Variants in TMEM108 observed in about 807,000 individuals in gnomAD.
The protein encoded by TMEM108 is cancer/testis antigen 124.
A neutral mutation model predicts 35.1 loss-of-function variants in TMEM108; 12 were observed. That is an observed-to-expected ratio of 0.34 (90% CI 0.22 to 0.55). TMEM108 has a LOEUF of 0.55. TMEM108 is among the 20% of genes least tolerant of loss of function. The pLI is 0.89. For missense variants in TMEM108, 680 were observed against 753.3 expected (o/e 0.90, Z 1.14); for synonymous variants, 287 against 308.6 (o/e 0.93, Z 0.73).
chr3:133,074,455 C>G (rs1943716196), intron 2 of TMEM108: 1 of 152,082 alleles, frequency 6.6e-6, no homozygotes, highest in Non-Finnish European at 1.5e-5. Flanking sequence ...TTACAGTAGC[C>G]TACGGTTGGG....
intron 3 of TMEM108, among the ~76,000 whole-genome samples, chr3:133,322,493 C>G (rs111470304): frequency 6.6e-6 from 1 of 151,938 alleles, no homozygotes; most frequent in Non-Finnish European, 1.5e-5. Flanking sequence ...AAAGTCTGAA[C>G]GGACCAATAA....
chr3:133,380,158 C>T lies in TMEM108; in HGVS notation c.447C>T (p.Ala149=), dbSNP rs772395937. ...TCCTGCTGACAAAGCCACCGGGGGCCACCAGCCGCCCCACCACAGCGCCCC... is the reference window on the plus strand; with the variant it reads ...TCCTGCTGACAAAGCCACCGGGGGCTACCAGCCGCCCCACCACAGCGCCCC... ...PTILLTKPPG[A]TSRPTTAPPR... is the part of the protein sequence containing the mutation. The change falls in exon 4 of 6, where the codon GCC becomes GCT. Residue 149 remains alanine (A), a synonymous_variant. Coordinates refer to ENST00000321871, the MANE Select transcript of TMEM108 (RefSeq NM_023943.4). The surrounding 1 kb of genome is among the most constrained non-coding windows in gnomAD (Gnocchi z 5.3). 4 of 1,612,990 alleles carry T rather than the reference C, an allele frequency of 2.5e-6. No homozygotes were observed. The Admixed American group carries it at 6.7e-5, about 27-fold the overall frequency.
chr3:133,062,874 C>T (rs1467310607), intron 2 of TMEM108, among the ~76,000 whole-genome samples: 1 of 152,118 alleles, frequency 6.6e-6, no homozygotes, highest in Non-Finnish European at 1.5e-5. Context: ...TTGAAGTGAA[C>T]GAGGCCATGT....
intron 3 of TMEM108, among the ~76,000 whole-genome samples, chr3:133,311,342 G>A (rs960688455): frequency 2.0e-5 from 3 of 152,108 alleles, no homozygotes; most frequent in Non-Finnish European, 4.4e-5. Context: ...TCACTTTCAG[G>A]TACACCAATC....
intron 3 of TMEM108, among the ~76,000 whole-genome samples, chr3:133,263,870 T>G (rs1946659527): frequency 6.6e-6 from 1 of 152,216 alleles, no homozygotes; most frequent in Non-Finnish European, 1.5e-5. Flanking sequence ...AACTTGAGCC[T>G]TTTTCAGAGC....
chr3:133,328,751 C>T (rs2071360364), intron 3 of TMEM108, among the ~76,000 whole-genome samples: 1 of 152,146 alleles, frequency 6.6e-6, no homozygotes, highest in African/African-American at 2.4e-5. Context: ...ATGGTGGAAC[C>T]ACATGTTTAT....
At chr3:133,150,586 C>CT (rs369199476) in intron 2 of TMEM108, among the ~76,000 whole-genome samples, 329 of 152,028 alleles carry the variant, frequency 2.2e-3, no homozygotes, top group African/African-American at 7.6e-3. Flanking sequence ...TGTAGTTAAA[C>CT]TTTTTTTAAC....
intron 3 of TMEM108, among the ~76,000 whole-genome samples, chr3:133,355,823 T>C (rs972688413): frequency 1.3e-5 from 2 of 152,152 alleles, no homozygotes; most frequent in Middle Eastern, 3.2e-3. Flanking sequence ...TCAATAAGGA[T>C]AGAATAAAGA....
At chr3:133,234,133 G>T (rs1247463222) in intron 3 of TMEM108, among the ~76,000 whole-genome samples, 2 of 152,022 alleles carry the variant, frequency 1.3e-5, no homozygotes, top group Admixed American at 6.6e-5. Context: ...TGTCCTGAAT[G>T]GTAATGCCTA....
intron 4 of TMEM108, 27 bp downstream of exon 4, chr3:133,381,188 C>T: frequency 6.4e-7 from 1 of 1,564,096 alleles, no homozygotes; most frequent in Non-Finnish European, 8.7e-7. Flanking sequence ...CCCACCCATC[C>T]TCTCCCTCTA....
intron 2 of TMEM108, among the ~76,000 whole-genome samples, chr3:133,151,551 A>C (rs1027143016): frequency 2.6e-5 from 4 of 151,872 alleles, no homozygotes; most frequent in Admixed American, 1.3e-4. Flanking sequence ...AGTAAGAAGA[A>C]GACTCTTCTT....
At chr3:133,342,813 C>T (rs189890578) in intron 3 of TMEM108, among the ~76,000 whole-genome samples, 9 of 150,878 alleles carry the variant, frequency 6.0e-5, no homozygotes, top group African/African-American at 2.2e-4. Flanking sequence ...TACAAAATTA[C>T]ACTAGATAGG....
intron 1 of TMEM108, among the ~76,000 whole-genome samples, chr3:133,042,196 C>T (rs568498242): frequency 3.3e-5 from 5 of 152,242 alleles, no homozygotes; most frequent in East Asian, 1.9e-4. Flanking sequence ...ATGAGGGCCC[C>T]GGCTTTGACT....
At chr3:133,229,962 A>G (rs542596659) in intron 3 of TMEM108, among the ~76,000 whole-genome samples, 3 of 152,344 alleles carry the variant, frequency 2.0e-5, no homozygotes, top group Non-Finnish European at 2.9e-5. Context: ...CAAAGCACCA[A>G]TTGCCATGTA....
chr3:133,115,435 A>G (rs985726179), intron 2 of TMEM108, among the ~76,000 whole-genome samples: 3 of 152,228 alleles, frequency 2.0e-5, no homozygotes, highest in Non-Finnish European at 2.9e-5. Flanking sequence ...GGAAAATGCC[A>G]TCATTATTTA....
intron 2 of TMEM108, among the ~76,000 whole-genome samples, chr3:133,223,034 G>A (rs1946015537): frequency 1.3e-5 from 2 of 152,034 alleles, no homozygotes; most frequent in Non-Finnish European, 2.9e-5. Flanking sequence ...TGTTGCCCAG[G>A]CTGGTTATAC....
rs1350311578 is a variant in TMEM108, at chr3:133,185,779, CTTTTCT to C, written c.-46-43482_-46-43477del. 1.5e-3 allele frequency among the ~76,000 whole-genome samples: 136 copies of C among 89,938 alleles called. 1 individual carries two copies. The East Asian group carries it at 0.027, about 18-fold the overall frequency. The allele number at this position is 89,938 out of a possible 152,430, so 59.0% of individuals were successfully genotyped here. On this transcript the variant is annotated intron_variant, in intron 2 of 5. Transcript: ENST00000321871. ...CCTTGCGTTTCTTTTCTTTTCTTTT[CTTTTCT>C]TTTTTTTTTTTTTTGAGACAGAGTC...
chr3:133,235,804 A>G (rs566501071), intron 3 of TMEM108, among the ~76,000 whole-genome samples: 100 of 152,262 alleles, frequency 6.6e-4, no homozygotes, highest in African/African-American at 2.3e-3. Flanking sequence ...GGGCATTATT[A>G]TTGACCCTAT....
intron 3 of TMEM108, among the ~76,000 whole-genome samples, chr3:133,296,028 AT>A (rs1157801965): frequency 6.6e-6 from 1 of 151,894 alleles, no homozygotes; most frequent in East Asian, 1.9e-4. Flanking sequence ...CAAATTGACT[AT>A]TTTCCCCCCA....
Sources: gnomAD v4.1 joint callset for allele counts (sites outside exome capture counted in the v4.1 genomes callset) on GRCh38, gnomAD v4.1.1 for gene constraint, Gnocchi (gnomAD v3.1) non-coding constraint, MANE v1.5 for transcripts, NCBI Gene and HGNC (gene_info 2026-07-23, HGNC 2026-07-21) for gene names.